SGCZ: variants seen among roughly 807,000 people sequenced by gnomAD.
SGCZ encodes the protein zeta-sarcoglycan.
SGCZ carries 40 observed loss-of-function variants against 41.3 expected under a neutral mutation model. The ratio of observed to expected loss-of-function variants is 0.97; its 90% CI spans 0.75 to 1.26. The LOEUF (loss-of-function observed/expected upper bound fraction) is 1.26. Among genes scored for constraint, SGCZ ranks in the 50% most tolerant of loss-of-function variants. SGCZ has a pLI of 0.00. For missense variants in SGCZ, 552 were observed against 369.8 expected (o/e 1.49, Z -4.04); for synonymous variants, 206 against 137.5 (o/e 1.50, Z -3.49).
At chr8:14,754,248 T>C (rs560252059) in intron 1 of SGCZ, among the ~76,000 whole-genome samples, 9 of 152,282 alleles carry the variant, frequency 5.9e-5, no homozygotes, top group African/African-American at 2.2e-4. Flanking sequence ...AACCCTCATG[T>C]TCTACTATTT....
chr8:14,507,768 G>GT (rs1343027652), intron 2 of SGCZ, among the ~76,000 whole-genome samples: 22 of 62,232 alleles, frequency 3.5e-4, no homozygotes, highest in East Asian at 3.3e-3. Context: ...TTGTTTTTTT[G>GT]TTTTTGTTTT....
At chr8:14,179,369 T>A (rs1804649087) in intron 4 of SGCZ, among the ~76,000 whole-genome samples, 1 of 152,188 alleles carries the variant, frequency 6.6e-6, no homozygotes, top group Admixed American at 6.5e-5. Flanking sequence ...GGCTAATACC[T>A]TTTCTAGTAT....
At chr8:15,160,102 T>A (rs1799465562) in intron 1 of SGCZ, among the ~76,000 whole-genome samples, 1 of 152,154 alleles carries the variant, frequency 6.6e-6, no homozygotes, top group Admixed American at 6.5e-5. Flanking sequence ...ATTCACATTG[T>A]TGTATAACCA....
intron 2 of SGCZ, among the ~76,000 whole-genome samples, chr8:14,492,045 T>C (rs532502493): frequency 6.6e-6 from 1 of 152,314 alleles, no homozygotes; most frequent in South Asian, 2.1e-4. Flanking sequence ...CTGTCATTTA[T>C]GATTGAGAAT....
At chr8:14,786,177 C>A (rs955476970) in intron 1 of SGCZ, among the ~76,000 whole-genome samples, 4 of 152,064 alleles carry the variant, frequency 2.6e-5, no homozygotes, top group African/African-American at 9.7e-5. Context: ...CATTAGTTCT[C>A]GTTTTGTCTT....
chr8:15,236,588 T>G (rs1053651998), intron 1 of SGCZ, among the ~76,000 whole-genome samples: 5 of 152,136 alleles, frequency 3.3e-5, no homozygotes, highest in African/African-American at 4.8e-5. Context: ...CTTTCCCGCT[T>G]TTTCGTTTAC....
chr8:14,577,651 G>A (rs1207942406), intron 1 of SGCZ, among the ~76,000 whole-genome samples: 1 of 152,084 alleles, frequency 6.6e-6, no homozygotes, highest in African/African-American at 2.4e-5. Flanking sequence ...GCCTCCCAAA[G>A]TGCTGGGATT....
intron 1 of SGCZ, among the ~76,000 whole-genome samples, chr8:15,043,622 T>G (rs1296068879): frequency 6.6e-6 from 1 of 152,106 alleles, no homozygotes; most frequent in Non-Finnish European, 1.5e-5. Flanking sequence ...AAAATACAAT[T>G]TTAAAGTATG....
At chr8:14,202,380 G>A (rs1343778526) in intron 4 of SGCZ, among the ~76,000 whole-genome samples, 1 of 152,108 alleles carries the variant, frequency 6.6e-6, no homozygotes, top group East Asian at 1.9e-4. Context: ...CTGACTCTCA[G>A]AATTGCATAA....
chr8:14,252,260 A>C (rs749939969), intron 3 of SGCZ, among the ~76,000 whole-genome samples: 16 of 152,066 alleles, frequency 1.1e-4, no homozygotes, highest in Admixed American at 2.0e-4. Flanking sequence ...CTCAGCTCTT[A>C]AGTTATTCAT....
intron 1 of SGCZ, among the ~76,000 whole-genome samples, chr8:14,900,774 T>C (rs1213654008): frequency 6.6e-6 from 1 of 152,242 alleles, no homozygotes; most frequent in African/African-American, 2.4e-5. Flanking sequence ...TGAATATCTT[T>C]GACTATTATC....
intron 4 of SGCZ, among the ~76,000 whole-genome samples, chr8:14,224,796 C>T (rs560175908): frequency 1.6e-4 from 25 of 152,278 alleles, no homozygotes; most frequent in African/African-American, 5.8e-4. Flanking sequence ...GTAACACCAC[C>T]TAATATTCTT....
chr8:14,298,581 T>C (rs1215023669), intron 3 of SGCZ, among the ~76,000 whole-genome samples: 1 of 151,990 alleles, frequency 6.6e-6, no homozygotes, highest in Non-Finnish European at 1.5e-5. Flanking sequence ...CTTAATACCA[T>C]TTATTACAAC....
intron 1 of SGCZ, among the ~76,000 whole-genome samples, chr8:14,850,621 A>G (rs10503516): frequency 0.016 from 2,363 of 152,318 alleles, 42 homozygotes; most frequent in African/African-American, 0.04. Context: ...GAAAGAATTT[A>G]ATGATCATGG....
intron 1 of SGCZ, among the ~76,000 whole-genome samples, chr8:15,004,156 G>C (rs1030240263): frequency 6.6e-6 from 1 of 152,136 alleles, no homozygotes; most frequent in East Asian, 1.9e-4. Flanking sequence ...TAACGTGCCA[G>C]AATGGAGCTA....
At chr8:14,626,382 A>C (rs1806455054) in intron 1 of SGCZ, among the ~76,000 whole-genome samples, 1 of 151,260 alleles carries the variant, frequency 6.6e-6, no homozygotes, top group Admixed American at 6.6e-5. Context: ...TTTAGTTCCC[A>C]CTTTCTCTCT....
intron 1 of SGCZ, among the ~76,000 whole-genome samples, chr8:15,224,300 T>C (rs1034230286): frequency 1.1e-4 from 17 of 152,166 alleles, no homozygotes; most frequent in Non-Finnish European, 2.2e-4. Context: ...TATAATAAAA[T>C]TGAAGAACAT....
intron 3 of SGCZ, among the ~76,000 whole-genome samples, chr8:14,276,445 T>G (rs1317303524): frequency 6.6e-6 from 1 of 152,160 alleles, no homozygotes; most frequent in East Asian, 1.9e-4. Context: ...CCGTGCCATG[T>G]GCTCTGCAAA....
At chr8:14,217,670 C>G (rs1334008755) in intron 4 of SGCZ, among the ~76,000 whole-genome samples, 3 of 134,114 alleles carry the variant, frequency 2.2e-5, no homozygotes, top group African/African-American at 7.9e-5. Flanking sequence ...GTCTCTGTCA[C>G]CCAGGCTGGA....
Sources: allele counts gnomAD v4.1 joint callset (sites outside exome capture counted in the v4.1 genomes callset), GRCh38; gene constraint gnomAD v4.1.1; transcripts MANE v1.5; gene names NCBI Gene and HGNC (gene_info 2026-07-23, HGNC 2026-07-21).